Variants in SH3RF2 observed in about 807,000 individuals in gnomAD.
SH3RF2 encodes the protein SH3 domain containing ring finger 2.
SH3RF2 carries 43 observed loss-of-function variants against 59.0 expected under a neutral mutation model. That is an observed-to-expected ratio of 0.73 (90% CI 0.57 to 0.94). SH3RF2 has a LOEUF of 0.94. SH3RF2 is among the 40% of genes least tolerant of loss of function. The pLI is 0.00. For missense variants in SH3RF2, 930 were observed against 940.1 expected, an observed-to-expected ratio of 0.99 and a Z score of 0.14; for synonymous variants, 391 against 391.5, an observed-to-expected ratio of 1.00 and a Z score of 0.01.
chr5:146,025,383 A>G lies in SH3RF2; in HGVS notation c.1059+11322A>G, dbSNP rs553630735. 1.4e-4 allele frequency among the ~76,000 whole-genome samples: 21 copies of G among 152,328 alleles called. 1 individual carries two copies. In the South Asian group the frequency reaches 4.3e-3, roughly 32 times the overall value. ...TTGTTTACATCCTTGCCACTGCCGTAGGCTGGCCCCCAGTCCAGGCCTCCT... is the reference window on the plus strand; with the variant it reads ...TTGTTTACATCCTTGCCACTGCCGTGGGCTGGCCCCCAGTCCAGGCCTCCT... On this transcript the variant is annotated intron_variant, in intron 5 of 9. Transcript: ENST00000359120.
intron 5 of SH3RF2, among the ~76,000 whole-genome samples, chr5:146,028,155 A>G (rs2024062): frequency 0.3 from 43,595 of 143,768 alleles, 7,782 homozygotes; most frequent in Non-Finnish European, 0.39. Flanking sequence ...AAGGCCAATG[A>G]GGCCTGCAAC....
At chr5:146,055,298 A>C (rs1203823965) in intron 7 of SH3RF2, among the ~76,000 whole-genome samples, 2 of 152,230 alleles carry the variant, frequency 1.3e-5, no homozygotes, top group Non-Finnish European at 2.9e-5. Flanking sequence ...TGCTTGGGCA[A>C]CCAACTGTAT....
intron 1 of SH3RF2, chr5:145,936,980 A>G (rs959397197): frequency 6.6e-6 from 1 of 152,006 alleles, no homozygotes; most frequent in African/African-American, 2.4e-5. Flanking sequence ...TTTTCAGAGT[A>G]CACACACACA....
intron 5 of SH3RF2, among the ~76,000 whole-genome samples, chr5:146,016,966 TCTC>T (rs1306021063): frequency 6.6e-6 from 1 of 152,218 alleles, no homozygotes; most frequent in Non-Finnish European, 1.5e-5. Flanking sequence ...GCTGCCTCAT[TCTC>T]CTCCTGTGGT....
At chr5:145,978,539 G>A (rs1223346310) in intron 2 of SH3RF2, among the ~76,000 whole-genome samples, 1 of 152,148 alleles carries the variant, frequency 6.6e-6, no homozygotes, top group Non-Finnish European at 1.5e-5. Flanking sequence ...GACTTAGCAA[G>A]TTGTACTTCC....
At chr5:146,068,539 A>G (rs146930869) in intron 9 of SH3RF2, among the ~76,000 whole-genome samples, 59 of 152,350 alleles carry the variant, frequency 3.9e-4, no homozygotes, top group African/African-American at 1.2e-3. Context: ...CACTTAGGGA[A>G]TGTGTTTGGC....
At chr5:146,005,824 G>A (rs1370077415) in intron 4 of SH3RF2, among the ~76,000 whole-genome samples, 1 of 147,072 alleles carries the variant, frequency 6.8e-6, no homozygotes, top group Non-Finnish European at 1.5e-5. Context: ...TACTTCACAG[G>A]CTAGCCTAAC....
chr5:145,952,754 G>A (rs145433491), intron 2 of SH3RF2, among the ~76,000 whole-genome samples: 175 of 152,340 alleles, frequency 1.1e-3, no homozygotes, highest in African/African-American at 4.1e-3. Flanking sequence ...GGAGGCGTAA[G>A]GACATTGGCA....
chr5:145,943,858 T>A (rs1163406942), intron 2 of SH3RF2, among the ~76,000 whole-genome samples: 2 of 152,240 alleles, frequency 1.3e-5, no homozygotes, highest in Non-Finnish European at 2.9e-5. Context: ...ATTTGCCGTG[T>A]GCATTAGGGA....
chr5:146,072,005 A>G (rs1380158935), intron 9 of SH3RF2, among the ~76,000 whole-genome samples: 1 of 152,242 alleles, frequency 6.6e-6, no homozygotes, highest in Non-Finnish European at 1.5e-5. Context: ...AGAGGAGAGA[A>G]CAGTGAGAGT....
chr5:145,978,397 G>T (rs776565039), intron 2 of SH3RF2, among the ~76,000 whole-genome samples: 2 of 152,140 alleles, frequency 1.3e-5, no homozygotes, highest in African/African-American at 4.8e-5. Context: ...CCCCATCCTA[G>T]CTTCTCTAGA....
intron 8 of SH3RF2, among the ~76,000 whole-genome samples, chr5:146,058,374 G>C (rs931149835): frequency 9.9e-5 from 15 of 152,246 alleles, no homozygotes; most frequent in African/African-American, 3.4e-4. Context: ...AGAAATGGCA[G>C]GAGAATTGAC....
intron 5 of SH3RF2, among the ~76,000 whole-genome samples, chr5:146,025,574 T>C (rs949277356): frequency 5.9e-5 from 9 of 152,258 alleles, no homozygotes; most frequent in Non-Finnish European, 1.2e-4. Flanking sequence ...CCAGTTTTAT[T>C]TTCCTGTGTT....
At chr5:145,992,643 GGA>G (rs1759989422) in intron 2 of SH3RF2, among the ~76,000 whole-genome samples, 1 of 150,580 alleles carries the variant, frequency 6.6e-6, no homozygotes. Context: ...ATGACAGCAG[GGA>G]GAGAGAGCTT....
At chr5:146,069,254 A>G (rs1015057805) in intron 9 of SH3RF2, among the ~76,000 whole-genome samples, 2 of 152,164 alleles carry the variant, frequency 1.3e-5, no homozygotes, top group Non-Finnish European at 1.5e-5. Context: ...TCTGGTTTTG[A>G]GAATTTCTGG....
intron 9 of SH3RF2, among the ~76,000 whole-genome samples, chr5:146,069,043 C>T (rs142600177): frequency 1.2e-4 from 18 of 152,232 alleles, no homozygotes; most frequent in African/African-American, 2.4e-4. Context: ...TTATCCTTCC[C>T]GTGTAATTCT....
chr5:145,999,694 G>A (rs553516763), intron 2 of SH3RF2, among the ~76,000 whole-genome samples: 13 of 151,568 alleles, frequency 8.6e-5, no homozygotes, highest in Non-Finnish European at 1.9e-4. Flanking sequence ...AACATTTATC[G>A]ACGAAGTTTG....
At position 145,950,223 on chromosome 5, in the gene SH3RF2, C is replaced by A. The variant is rs1371664002; in HGVS notation, c.378+11917C>A. On this transcript the variant is annotated intron_variant, in intron 2 of 9. Transcript: ENST00000359120. ...TTCCCACTTTACAGATGAGGAAACT[C>A]TCAGGAAGTGCAGAGTCAGAACTTG... Among the ~76,000 whole-genome samples, 3 of 152,184 alleles carry A rather than the reference C, an allele frequency of 2.0e-5. No individual in the cohort carries two copies. The South Asian group carries it at 6.2e-4, about 32-fold the overall frequency.
At chr5:145,997,763 C>CA (rs1170729222) in intron 2 of SH3RF2, 91 of 1,571,798 alleles carry the variant, frequency 5.8e-5, no homozygotes, top group Non-Finnish European at 7.6e-5. Flanking sequence ...CAAAAAGCAG[C>CA]AAAAAAAGAG....
Sources: allele counts gnomAD v4.1 joint callset (sites outside exome capture counted in the v4.1 genomes callset), GRCh38; gene constraint gnomAD v4.1.1; transcripts MANE v1.5; gene names NCBI Gene and HGNC (gene_info 2026-07-23, HGNC 2026-07-21).